The following ANKS1B variants were observed in gnomAD, a reference collection of about 807,000 sequenced individuals.
ANKS1B encodes ankyrin repeat and sterile alpha motif domain containing 1B, also known as ankyrin repeat and sterile alpha motif domain-containing protein 1B.
In ANKS1B, 36 loss-of-function variants were observed where a neutral mutation model predicts 148.3. The ratio of observed to expected loss-of-function variants is 0.24; its 90% CI spans 0.19 to 0.32. The LOEUF (loss-of-function observed/expected upper bound fraction) is 0.32, where lower values mean the gene tolerates loss of function less well. Among genes scored for constraint, ANKS1B ranks in the 10% least tolerant of loss-of-function variants. The pLI is 1.00. For synonymous variants in ANKS1B, 542 were observed against 560.8 expected (o/e 0.97, Z 0.47); for missense variants, 1,157 against 1,542.6 (o/e 0.75, Z 4.19).
At chr12:99,206,844 G>C (rs188781986) in intron 14 of ANKS1B, among the ~76,000 whole-genome samples, 8 of 152,268 alleles carry the variant, frequency 5.3e-5, no homozygotes, top group Admixed American at 3.3e-4. Flanking sequence ...TGGCTATTTG[G>C]AAACTTTTTG....
At chr12:98,974,604 C>A (rs978322532) in intron 17 of ANKS1B, among the ~76,000 whole-genome samples, 7 of 149,172 alleles carry the variant, frequency 4.7e-5, no homozygotes, top group African/African-American at 1.7e-4. Flanking sequence ...AGTAGTGCTT[C>A]TACAGAGATT....
chr12:99,507,382 CT>C (rs1199264459), intron 9 of ANKS1B, among the ~76,000 whole-genome samples: 2 of 151,848 alleles, frequency 1.3e-5, no homozygotes, highest in Non-Finnish European at 2.9e-5. Context: ...GGTTAATTTG[CT>C]TTCTTCCTTA....
At chr12:99,818,982 T>C (rs1255612162) in intron 2 of ANKS1B, among the ~76,000 whole-genome samples, 1 of 151,820 alleles carries the variant, frequency 6.6e-6, no homozygotes, top group Non-Finnish European at 1.5e-5. Context: ...TCCCTGTAAT[T>C]AAATCACAAC....
intron 8 of ANKS1B, among the ~76,000 whole-genome samples, chr12:99,696,650 T>C (rs1004210819): frequency 2.0e-5 from 3 of 152,202 alleles, no homozygotes; most frequent in Non-Finnish European, 4.4e-5. Context: ...AAAATCTAGA[T>C]AGTGTTGGGT....
At chr12:99,632,020 C>T (rs1381838908) in intron 9 of ANKS1B, among the ~76,000 whole-genome samples, 1 of 152,178 alleles carries the variant, frequency 6.6e-6, no homozygotes, top group Non-Finnish European at 1.5e-5. Flanking sequence ...GCTCTCCCAT[C>T]ACAGGCTCAA....
At chr12:99,473,519 A>T (rs779212875) in intron 10 of ANKS1B, among the ~76,000 whole-genome samples, 9 of 151,994 alleles carry the variant, frequency 5.9e-5, no homozygotes, top group East Asian at 1.9e-4. Flanking sequence ...AATATTGATG[A>T]ATTGTCATCC....
intron 1 of ANKS1B, among the ~76,000 whole-genome samples, chr12:99,932,272 T>C (rs2094639170): frequency 6.6e-6 from 1 of 152,204 alleles, no homozygotes; most frequent in Non-Finnish European, 1.5e-5. Flanking sequence ...TTCTTTTCTT[T>C]TGGGCATATA....
At chr12:99,324,272 C>T (rs2085886090) in intron 12 of ANKS1B, among the ~76,000 whole-genome samples, 1 of 152,106 alleles carries the variant, frequency 6.6e-6, no homozygotes, top group Admixed American at 6.5e-5. Context: ...ATATAATCTT[C>T]ACAACATCCA....
chr12:98,899,074 C>G (rs1322593585), intron 17 of ANKS1B, among the ~76,000 whole-genome samples: 1 of 152,002 alleles, frequency 6.6e-6, no homozygotes, highest in Non-Finnish European at 1.5e-5. Flanking sequence ...TATGTAAGGC[C>G]CTTTGTAAGA....
intron 1 of ANKS1B, among the ~76,000 whole-genome samples, chr12:99,963,975 G>A (rs770257935): frequency 6.6e-6 from 1 of 151,742 alleles, no homozygotes; most frequent in South Asian, 2.1e-4. Flanking sequence ...ACTCTTTTTC[G>A]GCATTATCAT....
chr12:99,259,897 G>A (rs548662018), intron 12 of ANKS1B, among the ~76,000 whole-genome samples: 3 of 152,304 alleles, frequency 2.0e-5, no homozygotes, highest in East Asian at 3.9e-4. Context: ...AGAGAGTTCT[G>A]TGCTAGGAGT....
chr12:99,131,820 G>GGCC (rs1354927670), intron 15 of ANKS1B, among the ~76,000 whole-genome samples: 1 of 152,166 alleles, frequency 6.6e-6, no homozygotes, highest in African/African-American at 2.4e-5. Flanking sequence ...CACCACAGGG[G>GGCC]GCCGCCTACT....
chr12:99,788,154 C>G (rs10745874), intron 4 of ANKS1B, among the ~76,000 whole-genome samples: 96,605 of 152,142 alleles, frequency 0.63, 30,877 homozygotes, highest in African/African-American at 0.67. Context: ...ATATGGCTAA[C>G]GAAGTGCCTA....
chr12:99,594,111 G>C (rs571971605), intron 9 of ANKS1B, among the ~76,000 whole-genome samples: 1 of 152,064 alleles, frequency 6.6e-6, no homozygotes, highest in South Asian at 2.1e-4. Flanking sequence ...GTATTTATCT[G>C]CCTCATAGGG....
chr12:99,731,475 C>A (rs2059156264), intron 8 of ANKS1B, among the ~76,000 whole-genome samples: 2 of 148,304 alleles, frequency 1.3e-5, no homozygotes, highest in African/African-American at 5.0e-5. Flanking sequence ...TTATCTTCAC[C>A]AGTTTTTCTG....
chr12:99,407,839 G>C (rs2094567768), intron 11 of ANKS1B, among the ~76,000 whole-genome samples: 1 of 145,664 alleles, frequency 6.9e-6, no homozygotes, highest in Non-Finnish European at 1.5e-5. Flanking sequence ...ACGGATGAAA[G>C]ACATTGAAAA....
At chr12:99,731,413 C>CGT (rs71088145) in intron 8 of ANKS1B, among the ~76,000 whole-genome samples, 13,331 of 143,096 alleles carry the variant, frequency 0.093, 709 homozygotes, top group East Asian at 0.22. Context: ...ACCACCGTGC[C>CGT]GTGTGTGTGT....
chr12:99,342,333 G>T (rs1442163039), intron 12 of ANKS1B, among the ~76,000 whole-genome samples: 1 of 151,992 alleles, frequency 6.6e-6, no homozygotes, highest in African/African-American at 2.4e-5. Context: ...ACAGGTTCTG[G>T]GAAGACAGTA....
At chr12:99,349,150 A>G (rs2091106333) in intron 12 of ANKS1B, among the ~76,000 whole-genome samples, 2 of 151,978 alleles carry the variant, frequency 1.3e-5, no homozygotes, top group African/African-American at 4.8e-5. Flanking sequence ...TGTAATTCCA[A>G]AAGTAACCTG....
Sources: allele counts gnomAD v4.1 joint callset (sites outside exome capture counted in the v4.1 genomes callset), GRCh38; gene constraint gnomAD v4.1.1; transcripts MANE v1.5; gene names NCBI Gene and HGNC (gene_info 2026-07-23, HGNC 2026-07-21).